The following MYH6 variants were observed in gnomAD, a reference collection of about 807,000 sequenced individuals.
The protein encoded by MYH6 is myosin-6.
A neutral mutation model predicts 223.2 loss-of-function variants in MYH6; 126 were observed. The ratio of observed to expected loss-of-function variants is 0.56; its 90% confidence interval spans 0.49 to 0.65. The LOEUF (loss-of-function observed/expected upper bound fraction) is 0.65. Ranked by LOEUF, MYH6 falls within the 30% of genes least tolerant of loss-of-function variation. MYH6 has a pLI of 0.00. For missense variants in MYH6, 2,040 were observed against 2,536.4 expected, an observed-to-expected ratio of 0.80 and a Z score of 4.20; for synonymous variants, 978 against 1,010.2, an observed-to-expected ratio of 0.97 and a Z score of 0.61.
chr14:23,383,673 T>G (rs560787043), intron 36 of MYH6, among the ~76,000 whole-genome samples: 2 of 152,350 alleles, frequency 1.3e-5, no homozygotes, highest in East Asian at 3.9e-4. Context: ...TAGGTTCTCT[T>G]GGCCAGTAGT....
Position 23,403,913 on chromosome 14 carries a change from T to A in MYH6, c.736-135A>T, listed in dbSNP as rs531588189. 34 of 830,458 alleles carry A rather than the reference T, an allele frequency of 4.1e-5. No individual in the cohort carries two copies. In the African/African-American group the frequency reaches 4.9e-4, roughly 12 times the overall value. The allele number at this position is 830,458 out of a possible 1,614,324, so 51.4% of individuals were successfully genotyped here. ...CTTTGGTGTCTCAGTTGAGTATAAG[T>A]GAAGCCGGGCAGAGGATGCCACCCT... On this transcript the variant is annotated intron_variant, in intron 8 of 38. Coordinates refer to ENST00000405093, the MANE Select transcript of MYH6 (RefSeq NM_002471.4).
Position 23,386,310 on chromosome 14 carries a change from T to C in MYH6, c.4959+5A>G, listed in dbSNP as rs981840089. On this transcript the variant is annotated splice_donor_5th_base_variant and intron_variant, in intron 33 of 38. Transcript: ENST00000405093. ...CCCCTGAGGGGACCTCCCGCCCCCA[T>C]GTACCTTCAGCAAGCTCTGGAGGCT... 3 of 1,614,098 alleles carry C rather than the reference T, an allele frequency of 1.9e-6. No individual in the cohort carries two copies. The highest frequency in any genetic ancestry group is 2.5e-6 in the Non-Finnish European group (3 of 1,180,010).
chr14:23,406,146 G>A (rs995128990), intron 3 of MYH6, among the ~76,000 whole-genome samples: 11 of 152,080 alleles, frequency 7.2e-5, no homozygotes, highest in African/African-American at 2.2e-4. Context: ...TGTCTCCCGC[G>A]GGCAGCGCTT....
Position 23,392,549 on chromosome 14 carries a change from G to GA in MYH6, c.3342+12dup. ...TTGAGCTCCCACTTTCATGCACTGGGAAAAAAAGTCACCTGGTTTTCCTTC... is the reference window on the plus strand; with the variant it reads ...TTGAGCTCCCACTTTCATGCACTGGGAAAAAAAAGTCACCTGGTTTTCCTTC... On this transcript the variant is annotated intron_variant, in intron 25 of 38. Transcript: ENST00000405093. The GA allele has an allele frequency of 5.1e-6, 8 of 1,582,992 alleles. No homozygotes were observed. The highest frequency in any genetic ancestry group is 6.0e-6 in the Non-Finnish European group (7 of 1,157,572).
rs1464293214 is a variant in MYH6, at chr14:23,386,146, A to G, written c.4960-15T>C. 3 of 1,613,968 alleles carry G rather than the reference A, an allele frequency of 1.9e-6. No individual in the cohort carries two copies. The Admixed American group carries it at 5.0e-5, about 27-fold the overall frequency. On this transcript the variant is annotated splice_polypyrimidine_tract_variant and intron_variant, in intron 33 of 38. Transcript: ENST00000405093. ...ATCTGGGTGTCCTGAGCATCAGGAG[A>G]GTGGGTGTGAGCAGAAGCCAGCCTC...
chr14:23,403,706 G>A lies in MYH6; in HGVS notation c.799+9C>T. 2 of 1,611,222 alleles carry A rather than the reference G, an allele frequency of 1.2e-6. No individual in the cohort carries two copies. Among genetic ancestry groups the A allele is most frequent in the East Asian group, 2.2e-5 (1 of 44,808 alleles). On this transcript the variant is annotated intron_variant, in intron 9 of 38. Transcript: ENST00000405093. ...CCTAGAGGGTGGCAGCCTCCCTGCT[G>A]GTACTCACAGGTCTCTATGTCTGCA...
intron 36 of MYH6, 133 bp downstream of exon 36, chr14:23,384,309 C>T: frequency 7.1e-7 from 1 of 1,401,282 alleles, no homozygotes; most frequent in Non-Finnish European, 9.9e-7. Context: ...AAACTGACTG[C>T]AGAGCGTGAG....
rs1595049342 is a variant in MYH6 at position 23,386,296 on chromosome 14, A to T, written c.4959+19T>A. ...ACATGGAGGCCAGTCCCCTGAGGGG[A>T]CCTCCCGCCCCCATGTACCTTCAGC... On this transcript the variant is annotated intron_variant, in intron 33 of 38. Coordinates refer to ENST00000405093, the MANE Select transcript of MYH6 (RefSeq NM_002471.4). 4 of 1,612,974 alleles carry T rather than the reference A, an allele frequency of 2.5e-6. No individual in the cohort carries two copies. The highest frequency in any genetic ancestry group is 1.7e-4 in the Middle Eastern group (1 of 5,982).
In MYH6 at chr14:23,400,445, G is replaced by A; in HGVS notation, c.1411-19C>T. ...TGTTGAACTGCAGGGGGCATGAGGG[G>A]TGGGAGCAGTCAGAAAGTGGGTGTG... On this transcript the variant is annotated intron_variant, in intron 13 of 38. Coordinates refer to ENST00000405093, the MANE Select transcript of MYH6 (RefSeq NM_002471.4). 1.2e-6 allele frequency: 2 copies of A among 1,614,042 alleles called. No homozygotes were observed. The highest frequency in any genetic ancestry group is 1.7e-6 in the Non-Finnish European group (2 of 1,179,906).
At chr14:23,402,928 A>C in intron 10 of MYH6, 128 bp from the exon 11 acceptor site, 1 of 740,816 alleles carries the variant, frequency 1.3e-6, no homozygotes, top group Non-Finnish European at 2.3e-6. Context: ...GGAAGGGAGG[A>C]CAGGGAGCAG....
rs200359124 is a variant in MYH6 at position 23,400,858 on chromosome 14, C to A, written c.1261G>T (p.Val421Leu). Residue 421 changes from valine to leucine, a missense_variant, in exon 13 of 39, where the codon GTG becomes TTG. Val to Leu is a conservative substitution (Grantham distance 32). Around this residue, in one of 4 missense-constraint regions of MYH6, gnomAD observed 649 missense variants for 877.3 expected, o/e 0.74. Coordinates refer to ENST00000405093, the MANE Select transcript of MYH6 (RefSeq NM_002471.4). Reference sequence around the variant, plus strand: ...GCCAGAGCCCCGATGGAGTAGTACACCTGCTGCACGCTCTGCCCCTTGGTG... The same window carrying A: ...GCCAGAGCCCCGATGGAGTAGTACAACTGCTGCACGCTCTGCCCCTTGGTG... ...YVTKGQSVQQ[V>L]YYSIGALAKA... 6.2e-7 allele frequency: 1 copy of A among 1,614,122 alleles called. No individual in the cohort carries two copies. The highest frequency in any genetic ancestry group is 8.5e-7 in the Non-Finnish European group (1 of 1,180,046).
intron 12 of MYH6, 70 bp from the exon 13 acceptor site, chr14:23,401,047 C>T (rs1891585855): frequency 1.3e-6 from 2 of 1,563,046 alleles, no homozygotes; most frequent in Non-Finnish European, 8.7e-7. Context: ...TGCTCTGTCA[C>T]CCAGGCTTGA....
chr14:23,388,390 G>A (rs1486688461), intron 29 of MYH6, 52 bp from the exon 30 acceptor site: 5 of 1,606,942 alleles, frequency 3.1e-6, no homozygotes, highest in Non-Finnish European at 4.2e-6. Flanking sequence ...GGCAACACTG[G>A]AGCCTTGGGT....
rs963760668 is a variant in MYH6, at chr14:23,389,316, A to T, written c.3978+77T>A. 17 of 1,509,688 alleles carry T rather than the reference A, an allele frequency of 1.1e-5. No homozygotes were observed. In the African/African-American group the frequency reaches 2.2e-4, roughly 20 times the overall value. The allele number at this position is 1,509,688 out of a possible 1,614,324, so 93.5% of individuals were successfully genotyped here. ...CTTGCAGAGGACTCTTTCCAGCTCC[A>T]GGCTCCATTTCTGGCACTGAGATGA... On this transcript the variant is annotated intron_variant, in intron 28 of 38. Coordinates refer to ENST00000405093, the MANE Select transcript of MYH6 (RefSeq NM_002471.4).
At chr14:23,389,857 G>A (rs978087463) in intron 26 of MYH6, 138 bp from the exon 27 acceptor site, 1 of 1,531,574 alleles carries the variant, frequency 6.5e-7, no homozygotes, top group African/African-American at 1.4e-5. Flanking sequence ...TCTGAAGAGA[G>A]ACTTGAATTA....
intron 1 of MYH6, 140 bp downstream of exon 1, chr14:23,408,113 C>G (rs1891842693): frequency 2.2e-6 from 1 of 459,286 alleles, no homozygotes. Context: ...GGGGAACTTC[C>G]CTGGGCCTGG....
At chr14:23,394,369 C>T (rs763353503) in intron 20 of MYH6, 46 bp from the exon 21 acceptor site, 1 of 1,612,174 alleles carries the variant, frequency 6.2e-7, no homozygotes, top group South Asian at 1.1e-5. Flanking sequence ...TAAAAGAGAG[C>T]TTCCCAATCA....
chr14:23,399,619 C>T (rs552117915), intron 14 of MYH6: 1 of 186,502 alleles, frequency 5.4e-6, no homozygotes, highest in African/African-American at 2.4e-5. Flanking sequence ...TGTACACATG[C>T]TTTTTTCCAC....
rs574066490 is a variant in MYH6, at chr14:23,390,215, C to T, written c.3574G>A (p.Ala1192Thr). Residue 1192 changes from alanine to threonine, a missense_variant, in exon 26 of 39, where the codon GCG (alanine) becomes ACG (threonine). Coordinates refer to ENST00000405093, the MANE Select transcript of MYH6 (RefSeq NM_002471.4). ...EATLQHEATA[A>T]ALRKKHADSV... ...TCGGCGTGCTTCTTGCGCAGGGCCG[C>T]GGCAGTGGCCTCGTGCTGCAGCGTG... is the stretch of plus-strand genomic sequence containing the variant. The T allele has an allele frequency of 8.8e-6, 14 of 1,597,726 alleles. No individual in the cohort carries two copies. Among genetic ancestry groups the T allele is most frequent in the East Asian group, 6.7e-5 (3 of 44,484 alleles).
Sources: gnomAD v4.1 joint callset for allele counts (sites outside exome capture counted in the v4.1 genomes callset) on GRCh38, gnomAD v4.1.1 for gene constraint, gnomAD v4.1.1 regional missense constraint, MANE v1.5 for transcripts, NCBI Gene and HGNC (gene_info 2026-07-23, HGNC 2026-07-21) for gene names.